ARMC2: variants seen among roughly 807,000 people sequenced by gnomAD.
ARMC2 encodes armadillo repeat containing 2, also known as armadillo repeat-containing protein 2.
ARMC2 carries 67 observed loss-of-function variants against 90.3 expected under a neutral mutation model. That is an observed-to-expected ratio of 0.74 (90% CI 0.61 to 0.91). The LOEUF is 0.91. Ranked by LOEUF, ARMC2 falls within the 40% of genes least tolerant of loss-of-function variation. The pLI, the probability that ARMC2 is intolerant of heterozygous loss-of-function variation, is 0.00. For synonymous variants in ARMC2, 393 were observed against 393.0 expected, an observed-to-expected ratio of 1.00 and a Z score of 0.00; for missense variants, 920 against 1,030.9, an observed-to-expected ratio of 0.89 and a Z score of 1.47.
chr6:108,992,953 G>A, the ARMC2 span: 1 of 1,182,948 alleles, frequency 8.5e-7, no homozygotes, highest in South Asian at 1.3e-5. Flanking sequence ...AGTTAAAATT[G>A]ATTTTACCCA....
At chr6:108,859,995 A>C (rs1267367226) in intron 3 of ARMC2, among the ~76,000 whole-genome samples, 2 of 141,690 alleles carry the variant, frequency 1.4e-5, no homozygotes, top group Admixed American at 1.4e-4. Context: ...CAAGAGTGAA[A>C]CTCTGTCTTA....
At chr6:108,963,900 T>G (rs564456571) in intron 15 of ARMC2, among the ~76,000 whole-genome samples, 2 of 152,324 alleles carry the variant, frequency 1.3e-5, no homozygotes, top group East Asian at 3.9e-4. Context: ...GCTCCCTCCT[T>G]TCCACCAGCT....
At position 108,949,928 on chromosome 6, in the gene ARMC2, G is replaced by A. The variant is rs145513852; in HGVS notation, c.1597-3105G>A. Among the ~76,000 whole-genome samples, 702 of 152,256 alleles carry A rather than the reference G, an allele frequency of 4.6e-3. 8 individuals carry two copies. Among genetic ancestry groups the A allele is most frequent in the African/African-American group, 0.015 (643 of 41,548 alleles). ...ATCCTCTTCAAACTAAAAACAGGCCGGGCACAGTGGCTCACGCCTGTAATT... is the reference window on the plus strand; with the variant it reads ...ATCCTCTTCAAACTAAAAACAGGCCAGGCACAGTGGCTCACGCCTGTAATT... On this transcript the variant is annotated intron_variant, in intron 12 of 17. Transcript: ENST00000392644.
At chr6:108,961,548 T>C in intron 13 of ARMC2, 24 bp from the exon 14 acceptor site, 1 of 1,569,250 alleles carries the variant, frequency 6.4e-7, no homozygotes. Flanking sequence ...GGTCTTTGAC[T>C]CCCTTATCCT....
intron 8 of ARMC2, chr6:108,907,475 TTTACC>T: frequency 3.0e-5 from 15 of 500,754 alleles, no homozygotes; most frequent in Non-Finnish European, 3.3e-5. Flanking sequence ...TTTTTTTTTT[TTTACC>T]AGTCATCTTT....
intron 13 of ARMC2, among the ~76,000 whole-genome samples, chr6:108,954,866 G>T (rs1167452677): frequency 1.3e-5 from 2 of 152,166 alleles, no homozygotes; most frequent in Non-Finnish European, 2.9e-5. Flanking sequence ...GTAAACTGGG[G>T]AGCTTCAACA....
chr6:108,964,096 C>A, intron 15 of ARMC2, 84 bp from the exon 16 acceptor site: 1 of 1,485,930 alleles, frequency 6.7e-7, no homozygotes. Context: ...AGCCACTCCC[C>A]GTTTCCCCAT....
chr6:109,022,486 G>A, the ARMC2 span, among the ~76,000 whole-genome samples: 1 of 130,834 alleles, frequency 7.6e-6, no homozygotes, highest in Non-Finnish European at 1.5e-5. Context: ...GCAGTGGCGC[G>A]ATCTCGGCTC....
chr6:108,974,213 C>T lies in ARMC2; in HGVS notation c.*699C>T, dbSNP rs1173416382. 6.6e-6 allele frequency: 1 copy of T among 152,278 alleles called. No individual in the cohort carries two copies. 9.4% of individuals were successfully genotyped at this position (152,278 alleles called of 1,614,324 possible). The stretch of plus-strand genomic sequence containing the variant: ...AATGCAGGCTTAGGTGAATGGTATA[C>T]CTGAATCTGAATCCATGCTCTCCCC... On this transcript the variant is annotated 3_prime_UTR_variant, in exon 18 of 18. Coordinates refer to ENST00000392644, the MANE Select transcript of ARMC2 (RefSeq NM_032131.6).
chr6:108,916,445 G>C (rs555296136), intron 10 of ARMC2, among the ~76,000 whole-genome samples: 8 of 152,342 alleles, frequency 5.3e-5, no homozygotes, highest in African/African-American at 1.9e-4. Context: ...GAAACTGGGT[G>C]CTGCCACCTG....
At chr6:108,939,127 C>A (rs1263774438) in intron 12 of ARMC2, among the ~76,000 whole-genome samples, 2 of 152,160 alleles carry the variant, frequency 1.3e-5, no homozygotes, top group Admixed American at 1.3e-4. Flanking sequence ...CCTAAAAATC[C>A]TAAAGTTTAA....
the ARMC2 span, among the ~76,000 whole-genome samples, chr6:108,989,084 C>T: frequency 3.9e-5 from 6 of 152,154 alleles, no homozygotes; most frequent in African/African-American, 1.4e-4. Context: ...CTTATTGCAA[C>T]CTCTGCTTCC....
At chr6:108,862,331 G>A (rs2128422062) in intron 3 of ARMC2, among the ~76,000 whole-genome samples, 1 of 111,476 alleles carries the variant, frequency 9.0e-6, no homozygotes, top group East Asian at 3.1e-4. Context: ...GTAATAGAGT[G>A]AGACTCATCT....
At chr6:108,927,973 A>G (rs775210801) in intron 10 of ARMC2, 115 bp from the exon 11 acceptor site, 2 of 1,045,208 alleles carry the variant, frequency 1.9e-6, no homozygotes, top group Non-Finnish European at 2.6e-6. Context: ...GCATAGCGGG[A>G]GCTTTGCTTA....
intron 15 of ARMC2, among the ~76,000 whole-genome samples, chr6:108,963,874 G>C (rs1442139259): frequency 6.6e-6 from 1 of 152,218 alleles, no homozygotes; most frequent in African/African-American, 2.4e-5. Flanking sequence ...CTGGAAGTTA[G>C]ATGAGTGTCA....
chr6:108,975,425 T>A (rs1778965532), downstream of ARMC2, among the ~76,000 whole-genome samples: 1 of 152,224 alleles, frequency 6.6e-6, no homozygotes, highest in Admixed American at 6.5e-5. Flanking sequence ...TTTGGGTTGA[T>A]TCCAAGTCTT....
At chr6:108,861,979 A>G (rs1450823750) in intron 3 of ARMC2, among the ~76,000 whole-genome samples, 2 of 152,184 alleles carry the variant, frequency 1.3e-5, no homozygotes, top group African/African-American at 4.8e-5. Flanking sequence ...AAGACAAGAT[A>G]GGCATTTATC....
the ARMC2 span, among the ~76,000 whole-genome samples, chr6:109,011,793 T>C: frequency 1.3e-5 from 2 of 152,056 alleles, no homozygotes; most frequent in Non-Finnish European, 2.9e-5. Context: ...CACACCCGGC[T>C]ACTTTTTAAA....
At chr6:108,973,307 A>G (rs183981149) in intron 17 of ARMC2, 50 bp from the exon 18 acceptor site, 8 of 1,495,390 alleles carry the variant, frequency 5.3e-6, no homozygotes, top group African/African-American at 1.4e-5. Context: ...ACTATATTCA[A>G]TAGGATTACA....
Sources: allele counts gnomAD v4.1 joint callset (sites outside exome capture counted in the v4.1 genomes callset), GRCh38; gene constraint gnomAD v4.1.1; transcripts MANE v1.5; gene names NCBI Gene and HGNC (gene_info 2026-07-23, HGNC 2026-07-21).